PHF24: variants seen among roughly 807,000 people sequenced by gnomAD.
PHF24 encodes the protein PHD finger protein 24.
Under a neutral mutation model 42.6 loss-of-function variants are expected in PHF24, and 25 were observed. That is an observed-to-expected ratio of 0.59 (90% CI 0.43 to 0.82). PHF24 has a LOEUF of 0.82. Among genes scored for constraint, PHF24 ranks in the 40% least tolerant of loss-of-function variants. The pLI is 0.00. For missense variants in PHF24, 470 were observed against 538.1 expected (o/e 0.87, Z 1.25); for synonymous variants, 185 against 204.8 (o/e 0.90, Z 0.83).
intron 2 of PHF24, among the ~76,000 whole-genome samples, chr9:34,972,029 G>C (rs760775146): frequency 7.2e-5 from 11 of 152,128 alleles, no homozygotes; most frequent in Non-Finnish European, 1.6e-4. Flanking sequence ...GGTGGCTACT[G>C]GTGTTTGGTA....
At chr9:34,763,291 T>G in the PHF24 span, among the ~76,000 whole-genome samples, 1 of 152,248 alleles carries the variant, frequency 6.6e-6, no homozygotes, top group African/African-American at 2.4e-5. Flanking sequence ...CCTTGGGAAG[T>G]ATGGCCATTT....
At chr9:34,725,010 G>A in the PHF24 span, 3 of 1,551,924 alleles carry the variant, frequency 1.9e-6, no homozygotes, top group East Asian at 2.4e-5. Flanking sequence ...TGCTGATCAA[G>A]GGCCGTTGGC....
the PHF24 span, among the ~76,000 whole-genome samples, chr9:34,777,836 A>C: frequency 6.6e-6 from 1 of 152,164 alleles, no homozygotes; most frequent in Admixed American, 6.5e-5. Flanking sequence ...TCAGGGACCC[A>C]ATGTTAGCTC....
chr9:34,912,085 A>C, the PHF24 span, among the ~76,000 whole-genome samples: 4 of 152,196 alleles, frequency 2.6e-5, no homozygotes. Flanking sequence ...TTCTCTTTTC[A>C]TCCTTTCCAA....
the PHF24 span, among the ~76,000 whole-genome samples, chr9:34,719,281 C>T: frequency 1.3e-5 from 2 of 152,220 alleles, no homozygotes; most frequent in Non-Finnish European, 2.9e-5. Context: ...TCAAGTGATC[C>T]ACCCGCCTCG....
chr9:34,833,429 C>G, the PHF24 span: 1 of 1,550,634 alleles, frequency 6.4e-7, no homozygotes, highest in Non-Finnish European at 8.7e-7. Flanking sequence ...AAGGTGAACC[C>G]CTTCTGGATT....
the PHF24 span, among the ~76,000 whole-genome samples, chr9:34,666,979 C>T: frequency 1.3e-5 from 2 of 152,176 alleles, no homozygotes; most frequent in Non-Finnish European, 2.9e-5. Flanking sequence ...ACAAACAAGA[C>T]AGGCACCTTG....
the PHF24 span, chr9:34,835,230 G>A: frequency 6.4e-7 from 1 of 1,552,236 alleles, no homozygotes; most frequent in Non-Finnish European, 8.7e-7. Flanking sequence ...CACCAGGTCT[G>A]GAGGGAAATG....
upstream of PHF24, among the ~76,000 whole-genome samples, chr9:34,956,398 C>T (rs570751378): frequency 6.6e-6 from 1 of 152,076 alleles, no homozygotes. Context: ...TAGCTGGGAC[C>T]ACAGGCGCGT....
chr9:34,827,169 C>T, the PHF24 span, among the ~76,000 whole-genome samples: 3 of 152,174 alleles, frequency 2.0e-5, no homozygotes, highest in South Asian at 6.2e-4. Flanking sequence ...TGTGTGCATG[C>T]TAACCCCTGG....
At chr9:34,754,046 G>C in the PHF24 span, among the ~76,000 whole-genome samples, 120,570 of 152,012 alleles carry the variant, frequency 0.79, 48,547 homozygotes, top group East Asian at 0.95. Context: ...AATATAAGAC[G>C]TCAAACCATG....
chr9:34,804,218 AAGAG>A, the PHF24 span, among the ~76,000 whole-genome samples: 1 of 152,210 alleles, frequency 6.6e-6, no homozygotes, highest in East Asian at 1.9e-4. Context: ...TCTGTCATGA[AAGAG>A]AGTTCAGCAA....
At chr9:34,931,175 G>C in the PHF24 span, among the ~76,000 whole-genome samples, 1 of 152,022 alleles carries the variant, frequency 6.6e-6, no homozygotes, top group Non-Finnish European at 1.5e-5. Flanking sequence ...AGGAGATCCG[G>C]ACCATCCTGG....
the PHF24 span, among the ~76,000 whole-genome samples, chr9:34,937,023 T>TG: frequency 1.3e-4 from 17 of 129,760 alleles, no homozygotes; most frequent in Admixed American, 7.5e-4. Flanking sequence ...GGGAGGGAGG[T>TG]GGGGGGGTCA....
At chr9:34,942,684 G>C in the PHF24 span, among the ~76,000 whole-genome samples, 1 of 151,892 alleles carries the variant, frequency 6.6e-6, no homozygotes, top group East Asian at 1.9e-4. Context: ...TTGTCGATGA[G>C]TTCATGTCCT....
the PHF24 span, among the ~76,000 whole-genome samples, chr9:34,924,884 G>A: frequency 6.6e-6 from 1 of 152,034 alleles, no homozygotes; most frequent in South Asian, 2.1e-4. Flanking sequence ...TTGCAGTTGG[G>A]TGGTTTTCTG....
the PHF24 span, among the ~76,000 whole-genome samples, chr9:34,780,302 T>C: frequency 1.0e-4 from 8 of 78,782 alleles, no homozygotes; most frequent in African/African-American, 2.2e-4. Context: ...TTTTTTCTTT[T>C]TTTTTTTTTT....
chr9:34,689,601 A>G, the PHF24 span: 5 of 568,730 alleles, frequency 8.8e-6, no homozygotes, highest in Non-Finnish European at 1.6e-5. This position sits in a 1 kb window ranked among gnomAD's most constrained non-coding sequence, Gnocchi z 4.1. Flanking sequence ...CTTTATTGGT[A>G]GCATTGCAAT....
the PHF24 span, among the ~76,000 whole-genome samples, chr9:34,909,269 C>T: frequency 2.0e-5 from 3 of 152,148 alleles, no homozygotes; most frequent in Non-Finnish European, 4.4e-5. Flanking sequence ...TGGCTCTTCC[C>T]TTATCTTATC....
Sources: gnomAD v4.1 joint callset for allele counts (sites outside exome capture counted in the v4.1 genomes callset) on GRCh38, gnomAD v4.1.1 for gene constraint, Gnocchi (gnomAD v3.1) non-coding constraint, MANE v1.5 for transcripts, NCBI Gene and HGNC (gene_info 2026-07-23, HGNC 2026-07-21) for gene names.